EPC2: variants seen among roughly 807,000 people sequenced by gnomAD.
The protein encoded by EPC2 is enhancer of polycomb homolog 2.
Under a neutral mutation model 92.1 loss-of-function variants are expected in EPC2, and 14 were observed. The observed-to-expected ratio is 0.15, with a 90% confidence interval of 0.10 to 0.24. EPC2 has a LOEUF of 0.24. EPC2 is among the 10% of genes least tolerant of loss of function. The pLI is 1.00. For missense variants in EPC2, 755 were observed against 971.5 expected (o/e 0.78, Z 2.96); for synonymous variants, 340 against 334.7 (o/e 1.02, Z -0.17).
At chr2:148,731,873 A>G (rs1682639338) in intron 2 of EPC2, among the ~76,000 whole-genome samples, 1 of 152,250 alleles carries the variant, frequency 6.6e-6, no homozygotes. Context: ...TCCCCTTGAC[A>G]GTCCAAAGAA....
chr2:148,743,603 A>G lies in EPC2; in HGVS notation c.314-19A>G. The G allele has an allele frequency of 6.6e-7, 1 of 1,518,988 alleles. No homozygotes were observed. The highest frequency in any genetic ancestry group is 8.8e-7 in the Non-Finnish European group (1 of 1,138,692). 94.1% of individuals were successfully genotyped at this position (1,518,988 alleles called of 1,614,324 possible). A position where few individuals can be genotyped will look rare whatever the true frequency, so the allele number is the denominator to read the frequency against. On this transcript the variant is annotated intron_variant, in intron 2 of 13. Coordinates refer to ENST00000258484, the MANE Select transcript of EPC2 (RefSeq NM_015630.4). ...TCATAATTTCTCCTGAGTTTGAAGAATTTTTCTTTCTTTTCTAGCTTTTAA... is the reference window on the plus strand; with the variant it reads ...TCATAATTTCTCCTGAGTTTGAAGAGTTTTTCTTTCTTTTCTAGCTTTTAA...
chr2:148,718,098 A>G (rs1292703048), intron 2 of EPC2, among the ~76,000 whole-genome samples: 2 of 152,144 alleles, frequency 1.3e-5, no homozygotes, highest in Admixed American at 1.3e-4. Flanking sequence ...TGCTTAGTAA[A>G]TTGTCTTCAG....
intron 1 of EPC2, among the ~76,000 whole-genome samples, chr2:148,652,817 A>G (rs1680714767): frequency 6.6e-6 from 1 of 152,202 alleles, no homozygotes; most frequent in Admixed American, 6.5e-5. Context: ...AATTTTTCCT[A>G]GAGCCTAGTA....
intron 8 of EPC2, among the ~76,000 whole-genome samples, chr2:148,770,579 A>G (rs1222591826): frequency 6.6e-6 from 1 of 152,204 alleles, no homozygotes; most frequent in East Asian, 1.9e-4. Flanking sequence ...AACTAAATTC[A>G]GTTTTGGTAA....
intron 1 of EPC2, among the ~76,000 whole-genome samples, chr2:148,657,023 C>T (rs1024395574): frequency 2.0e-5 from 3 of 151,354 alleles, no homozygotes; most frequent in Admixed American, 6.6e-5. Flanking sequence ...CCTGTTGTTA[C>T]GCTCATATAG....
intron 2 of EPC2, among the ~76,000 whole-genome samples, chr2:148,729,010 C>A (rs564734042): frequency 1.8e-5 from 2 of 113,674 alleles, no homozygotes; most frequent in South Asian, 5.6e-4. Context: ...CCAGCCTGGG[C>A]GACAGAGCGA....
At chr2:148,730,887 A>G (rs895997027) in intron 2 of EPC2, among the ~76,000 whole-genome samples, 6 of 152,212 alleles carry the variant, frequency 3.9e-5, no homozygotes, top group South Asian at 4.1e-4. Context: ...CTTTAAATCT[A>G]CGTTTTATAT....
At chr2:148,704,971 G>A (rs901136268) in intron 2 of EPC2, among the ~76,000 whole-genome samples, 3 of 150,822 alleles carry the variant, frequency 2.0e-5, no homozygotes, top group East Asian at 1.9e-4. Context: ...TGAATAGTAC[G>A]GGGAACCCAA....
In EPC2 at chr2:148,787,211, A is replaced by G. The variant is rs1423513450; in HGVS notation, c.*834A>G. On this transcript the variant is annotated 3_prime_UTR_variant, in exon 14 of 14. Transcript: ENST00000258484. ...TTTAAAACTGTAACACATCACATAA[A>G]AGATACTTTACCAGGTATGTATTGC... 3.3e-5 allele frequency: 5 copies of G among 151,960 alleles called. No individual in the cohort carries two copies. Among genetic ancestry groups the G allele is most frequent in the Admixed American group, 2.0e-4 (3 of 15,176 alleles). 9.4% of individuals were successfully genotyped at this position (151,960 alleles called of 1,614,324 possible).
rs200169123 is a variant in EPC2, at chr2:148,737,828, C to CA, written c.314-5787dup. On this transcript the variant is annotated intron_variant, in intron 2 of 13. Transcript: ENST00000258484. ...CGATGAGCTTAAAAAAAAAAAAGTG[C>CA]AAAAAAATCTCATAATGTTTTAAGA... Among the ~76,000 whole-genome samples, 1,066 of 150,940 alleles carry CA rather than the reference C, an allele frequency of 7.1e-3. 5 individuals carry two copies. The highest frequency in any genetic ancestry group is 0.024 in the African/African-American group (1,000 of 41,110).
chr2:148,676,143 A>C (rs1310947921), intron 1 of EPC2, among the ~76,000 whole-genome samples: 2 of 151,742 alleles, frequency 1.3e-5, no homozygotes, highest in African/African-American at 4.8e-5. Context: ...TTTTTTTTAA[A>C]GTCTGCTTTA....
intron 1 of EPC2, among the ~76,000 whole-genome samples, chr2:148,682,827 TA>T (rs1681427991): frequency 6.6e-6 from 1 of 152,172 alleles, no homozygotes; most frequent in South Asian, 2.1e-4. Flanking sequence ...TTTGAAAGGG[TA>T]TTGCAAGACT....
At chr2:148,669,504 C>T (rs1681113372) in intron 1 of EPC2, among the ~76,000 whole-genome samples, 3 of 152,066 alleles carry the variant, frequency 2.0e-5, no homozygotes, top group Non-Finnish European at 4.4e-5. Flanking sequence ...TGGCAAGACC[C>T]TGTCTCTACA....
In EPC2 at chr2:148,781,602, T is replaced by C. The variant is rs1683749884; in HGVS notation, c.1721-42T>C. ...TATTCTGCTTGTGTTATTAAAAATC[T>C]TTTAAAACGTACTCATTTCCAAAAT... On this transcript the variant is annotated intron_variant, in intron 10 of 13. Transcript: ENST00000258484. The C allele has an allele frequency of 3.8e-6, 6 of 1,579,380 alleles. No homozygotes were observed. In the South Asian group the frequency reaches 5.8e-5, roughly 15 times the overall value.
At chr2:148,768,618 A>G (rs966740841) in intron 7 of EPC2, among the ~76,000 whole-genome samples, 15 of 152,212 alleles carry the variant, frequency 9.9e-5, no homozygotes, top group African/African-American at 3.4e-4. Flanking sequence ...GTGATTTTTG[A>G]AAAATGAGTT....
intron 1 of EPC2, chr2:148,645,497 C>T: frequency 3.5e-6 from 1 of 289,560 alleles, no homozygotes; most frequent in Non-Finnish European, 6.6e-6. Flanking sequence ...TTTACCTTTC[C>T]ACCTCCCTCT....
chr2:148,661,568 C>A (rs2105355128), intron 1 of EPC2, among the ~76,000 whole-genome samples: 1 of 152,164 alleles, frequency 6.6e-6, no homozygotes, highest in East Asian at 1.9e-4. Flanking sequence ...AGATAATGGG[C>A]ATTTTTGTTT....
At chr2:148,645,470 T>A in intron 1 of EPC2, 1 of 364,100 alleles carries the variant, frequency 2.7e-6, no homozygotes. Flanking sequence ...CTGGCCGCTC[T>A]TGGCGTACGG....
At chr2:148,784,595 A>G in intron 12 of EPC2, 73 bp from the exon 13 acceptor site, 1 of 1,147,742 alleles carries the variant, frequency 8.7e-7, no homozygotes, top group Non-Finnish European at 1.2e-6. Flanking sequence ...GTTCGTATTT[A>G]TTTTATTAAG....
Sources: allele counts gnomAD v4.1 joint callset (sites outside exome capture counted in the v4.1 genomes callset), GRCh38; gene constraint gnomAD v4.1.1; transcripts MANE v1.5; gene names NCBI Gene and HGNC (gene_info 2026-07-23, HGNC 2026-07-21).